HSCB: variants seen among roughly 807,000 people sequenced by gnomAD.
HSCB encodes the protein HscB mitochondrial iron-sulfur cluster cochaperone.
Under a neutral mutation model 31.3 loss-of-function variants are expected in HSCB, and 23 were observed. The observed-to-expected ratio is 0.74, with a 90% CI of 0.53 to 1.04. The LOEUF (loss-of-function observed/expected upper bound fraction) is 1.04. Among genes scored for constraint, HSCB ranks in the 50% least tolerant of loss-of-function variants. The pLI is 0.00. For synonymous variants in HSCB, 110 were observed against 104.5 expected, an observed-to-expected ratio of 1.05 and a Z score of -0.32; for missense variants, 297 against 288.1, an observed-to-expected ratio of 1.03 and a Z score of -0.22.
At chr22:28,754,006 G>T (rs1383710441) in intron 5 of HSCB, among the ~76,000 whole-genome samples, 1 of 150,064 alleles carries the variant, frequency 6.7e-6, no homozygotes, top group African/African-American at 2.5e-5. Flanking sequence ...GGTGGCAGAT[G>T]CCTGTAATCC....
At chr22:28,745,411 A>G (rs2146209073) in intron 3 of HSCB, 1 of 152,774 alleles carries the variant, frequency 6.5e-6, no homozygotes, top group South Asian at 2.0e-4. Flanking sequence ...TTAGCCGGGC[A>G]TGGTGGCGGG....
chr22:28,747,267 A>G (rs1237879836), intron 4 of HSCB, among the ~76,000 whole-genome samples: 1 of 152,142 alleles, frequency 6.6e-6, no homozygotes, highest in East Asian at 1.9e-4. Flanking sequence ...TGTTAATCAC[A>G]TCTACGAATA....
At chr22:28,748,485 CTT>C (rs2029982170) in intron 4 of HSCB, among the ~76,000 whole-genome samples, 2 of 151,826 alleles carry the variant, frequency 1.3e-5, no homozygotes, top group African/African-American at 4.8e-5. Flanking sequence ...TCACTGGAAT[CTT>C]TTTGAAACCC....
intron 5 of HSCB, among the ~76,000 whole-genome samples, chr22:28,754,766 A>G (rs73397802): frequency 2.5e-3 from 379 of 151,716 alleles, no homozygotes; most frequent in African/African-American, 8.6e-3. Flanking sequence ...AATGGCTAAC[A>G]TGATGAATTT....
At chr22:28,750,604 G>A (rs903726139) in intron 4 of HSCB, among the ~76,000 whole-genome samples, 6 of 152,024 alleles carry the variant, frequency 3.9e-5, no homozygotes, top group Non-Finnish European at 7.4e-5. Context: ...CCTGCCTTAC[G>A]GATATAATGT....
chr22:28,746,535 T>G (rs1601392050), intron 4 of HSCB, among the ~76,000 whole-genome samples: 1 of 151,716 alleles, frequency 6.6e-6, no homozygotes, highest in Non-Finnish European at 1.5e-5. Flanking sequence ...GGCAGATCAC[T>G]TGAGTCCAGG....
chr22:28,742,618 A>G (rs1219550359), intron 1 of HSCB: 1 of 425,500 alleles, frequency 2.4e-6, no homozygotes, highest in African/African-American at 2.1e-5. Context: ...GGGGAGGGAG[A>G]TTTGAGGGGC....
chr22:28,751,472 A>G (rs1451881268), intron 5 of HSCB, among the ~76,000 whole-genome samples, 184 bp downstream of exon 5: 3 of 152,242 alleles, frequency 2.0e-5, no homozygotes, highest in Admixed American at 1.3e-4. Context: ...ATTTCTGGCC[A>G]GGCACGGTGG....
intron 5 of HSCB, among the ~76,000 whole-genome samples, chr22:28,754,308 A>G (rs1176978864): frequency 1.3e-5 from 2 of 152,156 alleles, no homozygotes; most frequent in Non-Finnish European, 2.9e-5. Flanking sequence ...GTGGGGGGAT[A>G]GAGTCAGGAA....
At chr22:28,742,385 G>A (rs1488174456) in intron 1 of HSCB, 54 bp downstream of exon 1, 5 of 1,593,302 alleles carry the variant, frequency 3.1e-6, no homozygotes, top group East Asian at 4.5e-5. Context: ...GTCGAGGTCT[G>A]GCCTGCGAGA....
intron 3 of HSCB, 103 bp from the exon 4 acceptor site, chr22:28,745,761 A>G: frequency 1.1e-6 from 1 of 914,632 alleles, no homozygotes; most frequent in Admixed American, 2.6e-5. Context: ...GGACAGTTGC[A>G]GTTTTCTCTA....
In HSCB at chr22:28,744,678, GC is replaced by G; in HGVS notation, c.403del (p.Leu135Ter). ...GAATGATGCCTATAAGACCCTCCTGGCCCCCCTGAGCAGAGGACTGTACCTT... is the reference window on the plus strand; with the variant it reads ...GAATGATGCCTATAAGACCCTCCTGGCCCCCTGAGCAGAGGACTGTACCTT... ...LVNDAYKTLL[A>X]PLSRGLYLLK... On this transcript the variant is annotated frameshift_variant, in exon 3 of 6. Coordinates refer to ENST00000216027, the MANE Select transcript of HSCB (RefSeq NM_172002.5). LOFTEE classifies it high-confidence loss of function. 6.2e-7 allele frequency: 1 copy of G among 1,613,676 alleles called. No individual in the cohort carries two copies. Among genetic ancestry groups the G allele is most frequent in the African/African-American group, 1.3e-5 (1 of 74,992 alleles).
intron 5 of HSCB, among the ~76,000 whole-genome samples, chr22:28,756,619 C>A (rs755702201): frequency 1.3e-5 from 2 of 151,976 alleles, no homozygotes; most frequent in African/African-American, 2.4e-5. Flanking sequence ...CAGGCATGTG[C>A]CACCATGCCT....
chr22:28,746,762 G>A (rs1569184822), intron 4 of HSCB, among the ~76,000 whole-genome samples: 1 of 152,068 alleles, frequency 6.6e-6, no homozygotes, highest in Non-Finnish European at 1.5e-5. Context: ...AGCCAGGCAT[G>A]GTGGTGCATG....
At chr22:28,750,658 A>G (rs2030168476) in intron 4 of HSCB, among the ~76,000 whole-genome samples, 1 of 152,216 alleles carries the variant, frequency 6.6e-6, no homozygotes, top group Admixed American at 6.6e-5. Context: ...AATAACTGAC[A>G]CTATTTATAT....
intron 5 of HSCB, among the ~76,000 whole-genome samples, chr22:28,751,605 T>C (rs1601400229): frequency 6.6e-6 from 1 of 151,966 alleles, no homozygotes; most frequent in East Asian, 1.9e-4. Flanking sequence ...ATTAACTGGG[T>C]GTGGTGGCAC....
At chr22:28,754,303 G>A (rs2030456206) in intron 5 of HSCB, among the ~76,000 whole-genome samples, 1 of 152,142 alleles carries the variant, frequency 6.6e-6, no homozygotes, top group African/African-American at 2.4e-5. Flanking sequence ...TGGTTGTGGG[G>A]GGATAGAGTC....
rs572469860 is a variant in HSCB, at chr22:28,747,614, T to G, written c.568+1606T>G. Among the ~76,000 whole-genome samples the G allele has an allele frequency of 2.0e-5, 3 of 152,274 alleles. No homozygotes were observed. The South Asian group carries it at 6.2e-4, about 32-fold the overall frequency. On this transcript the variant is annotated intron_variant, in intron 4 of 5. Transcript: ENST00000216027. ...CAATGTGCCTGGCATAGATTAGTGT[T>G]TGATCAAGCAACTGGGCACCATAGC...
chr22:28,746,621 C>T (rs1257842369), intron 4 of HSCB, among the ~76,000 whole-genome samples: 1 of 151,586 alleles, frequency 6.6e-6, no homozygotes, highest in African/African-American at 2.4e-5. Context: ...AAGCGTAGGC[C>T]AGGTGTGGTG....
Sources: allele counts gnomAD v4.1 joint callset (sites outside exome capture counted in the v4.1 genomes callset), GRCh38; gene constraint gnomAD v4.1.1; transcripts MANE v1.5; gene names NCBI Gene and HGNC (gene_info 2026-07-23, HGNC 2026-07-21).